The following ANO4 variants were observed in gnomAD, a reference collection of about 807,000 sequenced individuals.
The protein encoded by ANO4 is anoctamin-4.
ANO4 carries 69 observed loss-of-function variants against 141.9 expected under a neutral mutation model. The observed-to-expected ratio is 0.49, with a 90% CI of 0.40 to 0.59. The LOEUF (loss-of-function observed/expected upper bound fraction) is 0.59, where lower values mean the gene tolerates loss of function less well. Among genes scored for constraint, ANO4 ranks in the 20% least tolerant of loss-of-function variants. The pLI, the probability that ANO4 is intolerant of heterozygous loss-of-function variation, is 0.00. For synonymous variants in ANO4, 350 were observed against 394.3 expected (o/e 0.89, Z 1.33); for missense variants, 894 against 1,162.2 (o/e 0.77, Z 3.36).
intron 1 of ANO4, among the ~76,000 whole-genome samples, chr12:100,860,543 CT>C (rs1200139836): frequency 6.6e-6 from 1 of 152,196 alleles, no homozygotes; most frequent in Non-Finnish European, 1.5e-5. Context: ...TGCTTGCCTA[CT>C]TCCTTCTTCC....
At chr12:101,046,587 T>TG in intron 13 of ANO4, among the ~76,000 whole-genome samples, 1 of 152,216 alleles carries the variant, frequency 6.6e-6, no homozygotes, top group East Asian at 1.9e-4. Flanking sequence ...TTGTGTTTTG[T>TG]TAGTTCCTGG....
intron 2 of ANO4, among the ~76,000 whole-genome samples, chr12:100,908,640 T>C (rs1365681817): frequency 6.6e-6 from 1 of 152,224 alleles, no homozygotes. Context: ...TAGTTCTCTG[T>C]TGGGAAATTA....
intron 14 of ANO4, among the ~76,000 whole-genome samples, chr12:101,078,894 C>G (rs2049132204): frequency 6.6e-6 from 1 of 152,194 alleles, no homozygotes. Context: ...TTTTCTGAAT[C>G]CTGACATCCC....
At chr12:100,933,817 A>T (rs902633901) in intron 3 of ANO4, among the ~76,000 whole-genome samples, 3 of 152,168 alleles carry the variant, frequency 2.0e-5, no homozygotes, top group Non-Finnish European at 2.9e-5. Context: ...ATGGTATCTC[A>T]TTGTGGTTTT....
At chr12:100,791,236 G>T (rs557350138), upstream of ANO4, among the ~76,000 whole-genome samples, 102 of 152,074 alleles carry the variant, frequency 6.7e-4, no homozygotes, top group African/African-American at 2.4e-3. Flanking sequence ...AAAATTAGCC[G>T]GGTGTGGTGG....
intron 15 of ANO4, among the ~76,000 whole-genome samples, chr12:101,080,410 A>T (rs1035132908): frequency 2.0e-5 from 3 of 152,054 alleles, no homozygotes; most frequent in African/African-American, 7.2e-5. Context: ...GGAGGTTTTG[A>T]TACATGACAC....
rs573870536 is a variant in ANO4 at position 100,889,053 on chromosome 12, C to A, written c.-140-12593C>A. ...CCCTCCCCCCACCCCACAACAGTCC[C>A]CAGAGTGTGATGTTCCCCTTCCTGT... is the stretch of plus-strand genomic sequence containing the variant. On this transcript the variant is annotated intron_variant, in intron 1 of 27. Transcript: ENST00000392977. Among the ~76,000 whole-genome samples, 5 of 137,770 alleles carry A rather than the reference C, an allele frequency of 3.6e-5. No homozygotes were observed. The East Asian group carries it at 8.6e-4, about 24-fold the overall frequency. 90.4% of individuals were successfully genotyped at this position (137,770 alleles called of 152,430 possible). A position where few individuals can be genotyped will look rare whatever the true frequency, so the allele number is the denominator to read the frequency against.
At chr12:100,906,386 A>C (rs909706619) in intron 2 of ANO4, among the ~76,000 whole-genome samples, 1 of 151,826 alleles carries the variant, frequency 6.6e-6, no homozygotes, top group African/African-American at 2.4e-5. Context: ...TAGAAGGAGG[A>C]TCTGGAAGGA....
intron 1 of ANO4, among the ~76,000 whole-genome samples, chr12:100,896,923 A>G (rs2040379673): frequency 6.6e-6 from 1 of 152,224 alleles, no homozygotes; most frequent in Non-Finnish European, 1.5e-5. Context: ...ATATAAACTC[A>G]ATTCTCACAA....
At chr12:100,882,724 AG>A (rs2039629653) in intron 1 of ANO4, among the ~76,000 whole-genome samples, 1 of 151,742 alleles carries the variant, frequency 6.6e-6, no homozygotes, top group African/African-American at 2.4e-5. Flanking sequence ...TTTGAGACAG[AG>A]TCTCTCTCTG....
intron 7 of ANO4, among the ~76,000 whole-genome samples, chr12:100,982,310 T>G (rs2044503595): frequency 6.6e-6 from 1 of 152,238 alleles, no homozygotes; most frequent in South Asian, 2.1e-4. Context: ...TTCTATTCCC[T>G]ATTGGTGGAG....
chr12:100,890,570 C>T (rs1026812575), intron 1 of ANO4, among the ~76,000 whole-genome samples: 3 of 152,128 alleles, frequency 2.0e-5, no homozygotes, highest in Non-Finnish European at 4.4e-5. Flanking sequence ...GTGAGATAGC[C>T]ATGTCTGAGA....
chr12:100,815,203 T>C (rs2035667959), intron 1 of ANO4, among the ~76,000 whole-genome samples: 2 of 152,152 alleles, frequency 1.3e-5, no homozygotes, highest in Admixed American at 1.3e-4. Context: ...TTTGACCATC[T>C]GGGAGACATT....
At chr12:100,986,697 A>G (rs1157735010) in intron 7 of ANO4, among the ~76,000 whole-genome samples, 1 of 152,186 alleles carries the variant, frequency 6.6e-6, no homozygotes, top group Non-Finnish European at 1.5e-5. Context: ...TTCCAGTAGT[A>G]TAGACACTTG....
rs1002519750 is a variant in ANO4 at position 101,043,398 on chromosome 12, T to G, written c.1155-141T>G. The G allele has an allele frequency of 1.0e-5, 6 of 594,220 alleles. No homozygotes were observed. The Middle Eastern group carries it at 1.1e-3, about 108-fold the overall frequency. 36.8% of individuals were successfully genotyped at this position (594,220 alleles called of 1,614,324 possible). A position where few individuals can be genotyped will look rare whatever the true frequency, so the allele number is the denominator to read the frequency against. Reference sequence around the variant, plus strand: ...TTAAATGGGCAAGAACTTGTTTACATTAATAACAGATAAAGCTAAGATGCT... The same window carrying G: ...TTAAATGGGCAAGAACTTGTTTACAGTAATAACAGATAAAGCTAAGATGCT... On this transcript the variant is annotated intron_variant, in intron 12 of 27. Transcript: ENST00000392977.
intron 15 of ANO4, among the ~76,000 whole-genome samples, chr12:101,081,832 C>T (rs1256985337): frequency 1.3e-5 from 2 of 152,110 alleles, no homozygotes; most frequent in Admixed American, 6.5e-5. Flanking sequence ...CCTGTGTCTT[C>T]ACATCGTCTT....
intron 1 of ANO4, chr12:100,842,061 A>ACCCCCCCCCC (rs560427876): frequency 1.9e-5 from 1 of 51,310 alleles, no homozygotes; most frequent in Non-Finnish European, 3.8e-5. Context: ...GTAAATATCC[A>ACCCCCCCCCC]CCCCCCCCCC....
intron 1 of ANO4, among the ~76,000 whole-genome samples, chr12:100,834,582 G>A (rs1220805486): frequency 6.6e-6 from 1 of 152,022 alleles, no homozygotes; most frequent in Non-Finnish European, 1.5e-5. Flanking sequence ...CTGAGGTGCC[G>A]TGTATATAGC....
At chr12:100,997,277 T>C (rs1442975889) in intron 8 of ANO4, among the ~76,000 whole-genome samples, 1 of 137,302 alleles carries the variant, frequency 7.3e-6, no homozygotes, top group African/African-American at 2.8e-5. Flanking sequence ...GAGGTTGCAG[T>C]GAGCCGAGAT....
Sources: gnomAD v4.1 joint callset for allele counts (sites outside exome capture counted in the v4.1 genomes callset) on GRCh38, gnomAD v4.1.1 for gene constraint, MANE v1.5 for transcripts, NCBI Gene and HGNC (gene_info 2026-07-23, HGNC 2026-07-21) for gene names.